The following HERC4 variants were observed in gnomAD, a reference collection of about 807,000 sequenced individuals.
HERC4 encodes the protein probable E3 ubiquitin-protein ligase HERC4.
HERC4 carries 28 observed loss-of-function variants against 124.3 expected under a neutral mutation model. The observed-to-expected ratio is 0.23, with a 90% CI of 0.17 to 0.31. The LOEUF is 0.31. HERC4 is among the 10% of genes least tolerant of loss of function. HERC4 has a pLI of 1.00. For synonymous variants in HERC4, 407 were observed against 421.5 expected (o/e 0.97, Z 0.42); for missense variants, 713 against 1,229.3 (o/e 0.58, Z 6.28).
At chr10:67,938,961 C>CA (rs908279743) in intron 21 of HERC4, among the ~76,000 whole-genome samples, 4 of 151,424 alleles carry the variant, frequency 2.6e-5, no homozygotes, top group African/African-American at 4.8e-5. Context: ...CAAAACAAAA[C>CA]AAAAAAAACC....
chr10:68,037,091 C>CTTTTTTTT (rs35105661), intron 5 of HERC4, among the ~76,000 whole-genome samples: 7 of 106,946 alleles, frequency 6.5e-5, no homozygotes, highest in Non-Finnish European at 1.1e-4. Flanking sequence ...CCTATTTCTT[C>CTTTTTTTT]TTTTTTTTTT....
rs1564608773 is a variant in HERC4, at chr10:68,059,699, A to AATATTATATATCATAATATTAT, written c.226+13162_226+13183dup. ...TATATATCATAATATTATATATTAT[A>AATATTATATATCATAATATTAT]ATATTATATATCATAATATTATATA... On this transcript the variant is annotated intron_variant, in intron 3 of 24. Transcript: ENST00000373700. Among the ~76,000 whole-genome samples, 45 of 62,776 alleles carry AATATTATATATCATAATATTAT rather than the reference A, an allele frequency of 7.2e-4. 7 individuals are homozygous for AATATTATATATCATAATATTAT. The highest frequency in any genetic ancestry group is 2.2e-3 in the East Asian group (2 of 894). The allele number at this position is 62,776 out of a possible 152,430, so 41.2% of individuals were successfully genotyped here.
intron 8 of HERC4, among the ~76,000 whole-genome samples, chr10:68,019,897 C>A (rs1418915762): frequency 6.6e-6 from 1 of 152,208 alleles, no homozygotes; most frequent in Non-Finnish European, 1.5e-5. Flanking sequence ...CTGTTGTATA[C>A]TCTCCCATTC....
At chr10:67,997,393 A>G (rs1445808334) in intron 9 of HERC4, among the ~76,000 whole-genome samples, 1 of 152,238 alleles carries the variant, frequency 6.6e-6, no homozygotes, top group Admixed American at 6.5e-5. Context: ...CAAAAGAGCT[A>G]AAGTTCTTTT....
At chr10:67,939,176 T>G (rs955559431) in intron 21 of HERC4, among the ~76,000 whole-genome samples, 3 of 152,232 alleles carry the variant, frequency 2.0e-5, no homozygotes, top group African/African-American at 7.2e-5. Flanking sequence ...AGTAGTAATA[T>G]TCTCATATTA....
intron 8 of HERC4, among the ~76,000 whole-genome samples, chr10:68,018,536 A>G (rs886073882): frequency 6.6e-6 from 1 of 151,644 alleles, no homozygotes; most frequent in Admixed American, 6.5e-5. Context: ...TTAAGTATAA[A>G]TAATAGAAAT....
chr10:67,959,778 T>A (rs1393510844), intron 16 of HERC4, among the ~76,000 whole-genome samples: 1 of 152,168 alleles, frequency 6.6e-6, no homozygotes, highest in Non-Finnish European at 1.5e-5. Context: ...ATTAAGGCAG[T>A]AATAGTGGAA....
chr10:68,002,345 C>G lies in HERC4; in HGVS notation c.1070-9663G>C, dbSNP rs796638689. The stretch of plus-strand genomic sequence containing the variant: ...ATTCTGGTTTCCATCAATAGATAAA[C>G]AAGAAGACAATTCTGAGGAAGTTTG... On this transcript the variant is annotated intron_variant, in intron 9 of 24. Coordinates refer to ENST00000373700, the MANE Select transcript of HERC4 (RefSeq NM_015601.4). Among the ~76,000 whole-genome samples, 5 of 151,758 alleles carry G rather than the reference C, an allele frequency of 3.3e-5. 1 individual carries two copies. In the South Asian group the frequency reaches 1.0e-3, roughly 32 times the overall value.
At position 67,921,998 on chromosome 10, in the gene HERC4, C is replaced by T. The variant is rs559559592; in HGVS notation, c.*933G>A. ...AAATATTTGCATTATAGCAGAAAGT[C>T]ACATGTATTGCATCAACTCACTTTT... On this transcript the variant is annotated 3_prime_UTR_variant, in exon 25 of 25. Coordinates refer to ENST00000373700, the MANE Select transcript of HERC4 (RefSeq NM_015601.4). 6.6e-6 allele frequency: 1 copy of T among 152,188 alleles called. No individual in the cohort carries two copies. The highest frequency in any genetic ancestry group is 2.1e-4 in the South Asian group (1 of 4,820). The allele number at this position is 152,188 out of a possible 1,614,324, so 9.4% of individuals were successfully genotyped here.
In HERC4 at chr10:67,932,782, T is replaced by G; in HGVS notation, c.2655-2A>C. 6.3e-7 allele frequency: 1 copy of G among 1,587,012 alleles called. No homozygotes were observed. The highest frequency in any genetic ancestry group is 8.5e-7 in the Non-Finnish European group (1 of 1,173,610). ...ACATAAGCATCGACAAACTCTTGCC[T>G]AGAAATGAAAAAGCACACATGTACA... On this transcript the variant is annotated splice_acceptor_variant, in intron 22 of 24. Transcript: ENST00000373700. LOFTEE classifies it high-confidence loss of function.
At chr10:68,043,319 T>A (rs903280271) in intron 4 of HERC4, among the ~76,000 whole-genome samples, 5 of 152,222 alleles carry the variant, frequency 3.3e-5, no homozygotes, top group African/African-American at 9.6e-5. Context: ...CACAGTTTTT[T>A]AAAAATCTTA....
intron 7 of HERC4, among the ~76,000 whole-genome samples, chr10:68,027,642 G>A (rs933521035): frequency 7.9e-5 from 12 of 152,204 alleles, no homozygotes; most frequent in Non-Finnish European, 1.8e-4. Context: ...ACTAAGTCGG[G>A]TGGGGCACGG....
chr10:67,923,578 T>G (rs79117523), intron 24 of HERC4, among the ~76,000 whole-genome samples: 1 of 152,122 alleles, frequency 6.6e-6, no homozygotes, highest in African/African-American at 2.4e-5. Context: ...CTTTTTTTTT[T>G]GAGACGAGTC....
chr10:68,010,835 A>C, intron 9 of HERC4: 1 of 1,532,908 alleles, frequency 6.5e-7, no homozygotes, highest in Non-Finnish European at 9.0e-7. Context: ...GAGCTTGGCA[A>C]ATTGCTCAAG....
chr10:68,046,554 C>T lies in HERC4; in HGVS notation c.227-1991G>A, dbSNP rs143708253. On this transcript the variant is annotated intron_variant, in intron 3 of 24. Transcript: ENST00000373700. ...GGAGAGAGAGAGAGAATAAAATAAG[C>T]GTCCTAGCCCTCAATGAGTTTACAG... 3.9e-5 allele frequency among the ~76,000 whole-genome samples: 6 copies of T among 152,288 alleles called. No individual in the cohort carries two copies. In the South Asian group the frequency reaches 1.0e-3, roughly 26 times the overall value.
intron 15 of HERC4, among the ~76,000 whole-genome samples, chr10:67,970,026 T>C (rs2132489506): frequency 6.6e-6 from 1 of 152,220 alleles, no homozygotes; most frequent in South Asian, 2.1e-4. Flanking sequence ...CAAAAACCAT[T>C]TGACACCCCA....
intron 16 of HERC4, among the ~76,000 whole-genome samples, chr10:67,957,290 G>A (rs2034201920): frequency 1.3e-5 from 2 of 152,114 alleles, no homozygotes; most frequent in African/African-American, 4.8e-5. Flanking sequence ...AAAATTGGGG[G>A]CTCCTATGTT....
intron 11 of HERC4, among the ~76,000 whole-genome samples, chr10:67,991,719 C>G (rs2036561096): frequency 6.6e-6 from 1 of 152,128 alleles, no homozygotes; most frequent in Non-Finnish European, 1.5e-5. Context: ...AAATAATACT[C>G]AAGTCTTCCA....
At chr10:68,037,991 C>T (rs1419527655) in intron 5 of HERC4, 102 bp downstream of exon 5, 55 of 662,914 alleles carry the variant, frequency 8.3e-5, no homozygotes, top group South Asian at 7.2e-4. Context: ...AGAACCAGGG[C>T]AATCTTGCAG....
Sources: allele counts gnomAD v4.1 joint callset (sites outside exome capture counted in the v4.1 genomes callset), GRCh38; gene constraint gnomAD v4.1.1; transcripts MANE v1.5; gene names NCBI Gene and HGNC (gene_info 2026-07-23, HGNC 2026-07-21).